Variants in FHIT observed in about 807,000 individuals in gnomAD.
The protein encoded by FHIT is fragile histidine triad diadenosine triphosphatase.
Under a neutral mutation model 17.9 loss-of-function variants are expected in FHIT, and 19 were observed. That is an observed-to-expected ratio of 1.06 (90% CI 0.74 to 1.56). The LOEUF (loss-of-function observed/expected upper bound fraction) is 1.56. Among genes scored for constraint, FHIT ranks in the 40% most tolerant of loss-of-function variants. The pLI is 0.00. For missense variants in FHIT, 248 were observed against 189.2 expected, an observed-to-expected ratio of 1.31 and a Z score of -1.82; for synonymous variants, 81 against 69.7, an observed-to-expected ratio of 1.16 and a Z score of -0.81.
intron 2 of FHIT, among the ~76,000 whole-genome samples, chr3:61,111,230 C>T (rs1487306064): frequency 6.6e-6 from 1 of 152,140 alleles, no homozygotes; most frequent in East Asian, 1.9e-4. Flanking sequence ...ATGGCTACAC[C>T]AGGCTCTCTC....
chr3:60,754,908 C>T (rs181255689), intron 4 of FHIT, among the ~76,000 whole-genome samples: 173 of 152,272 alleles, frequency 1.1e-3, no homozygotes, highest in Admixed American at 2.9e-3. Context: ...TCCTTCCTCT[C>T]AAGAAAGTAT....
chr3:60,279,889 A>G (rs1707347086), intron 5 of FHIT, among the ~76,000 whole-genome samples: 1 of 151,876 alleles, frequency 6.6e-6, no homozygotes, highest in Non-Finnish European at 1.5e-5. Flanking sequence ...AAAATTAGCC[A>G]GGTATGGTGG....
intron 4 of FHIT, among the ~76,000 whole-genome samples, chr3:60,637,400 T>C (rs933183490): frequency 2.0e-5 from 3 of 152,194 alleles, no homozygotes; most frequent in Non-Finnish European, 4.4e-5. Context: ...CCATCTCTAG[T>C]ACTCAATATG....
chr3:60,342,285 A>G (rs568528963), intron 5 of FHIT, among the ~76,000 whole-genome samples: 12 of 152,360 alleles, frequency 7.9e-5, no homozygotes, highest in African/African-American at 2.9e-4. Flanking sequence ...TTTGCATAGC[A>G]TATCAGGCAG....
chr3:60,122,773 C>G (rs1418350974), intron 5 of FHIT, among the ~76,000 whole-genome samples: 2 of 152,150 alleles, frequency 1.3e-5, no homozygotes, highest in African/African-American at 4.8e-5. Context: ...TTTACACCAA[C>G]AGGAAACCAT....
chr3:60,572,426 C>T (rs1008765116), intron 4 of FHIT, among the ~76,000 whole-genome samples: 1 of 152,016 alleles, frequency 6.6e-6, no homozygotes, highest in Non-Finnish European at 1.5e-5. Flanking sequence ...CACATCCTAG[C>T]CCCTAGGCAT....
At chr3:60,867,048 A>G (rs1360330230) in intron 3 of FHIT, among the ~76,000 whole-genome samples, 1 of 152,202 alleles carries the variant, frequency 6.6e-6, no homozygotes, top group African/African-American at 2.4e-5. Context: ...CCTCAGCAAC[A>G]TGAGCCTACA....
chr3:60,977,732 G>A (rs1040406981), intron 3 of FHIT, among the ~76,000 whole-genome samples: 1 of 152,090 alleles, frequency 6.6e-6, no homozygotes. Context: ...TTAGCCAGGT[G>A]TGGTGGCGCA....
intron 5 of FHIT, among the ~76,000 whole-genome samples, chr3:60,490,990 G>C (rs2034039679): frequency 6.6e-6 from 1 of 152,118 alleles, no homozygotes; most frequent in Non-Finnish European, 1.5e-5. Context: ...CAAAATAAAA[G>C]TATGATATGC....
intron 3 of FHIT, among the ~76,000 whole-genome samples, chr3:60,921,321 G>A (rs1344343941): frequency 6.6e-6 from 1 of 152,176 alleles, no homozygotes; most frequent in Non-Finnish European, 1.5e-5. Context: ...GGTGGTGTAT[G>A]AGAAATCACT....
At chr3:61,232,405 C>A (rs950277887) in intron 1 of FHIT, among the ~76,000 whole-genome samples, 2 of 151,986 alleles carry the variant, frequency 1.3e-5, no homozygotes, top group Non-Finnish European at 2.9e-5. Context: ...AAAGAAAAAA[C>A]GTATTCCATA....
intron 1 of FHIT, among the ~76,000 whole-genome samples, chr3:61,209,574 A>G (rs867302124): frequency 4.0e-5 from 6 of 151,320 alleles, no homozygotes; most frequent in African/African-American, 1.5e-4. Context: ...GTCTTCCATC[A>G]TTGATACCCT....
intron 5 of FHIT, among the ~76,000 whole-genome samples, chr3:60,362,243 T>TCATAC (rs1699935758): frequency 6.6e-6 from 1 of 152,206 alleles, no homozygotes; most frequent in African/African-American, 2.4e-5. Context: ...AAAAAATCCC[T>TCATAC]AATACAATAC....
intron 4 of FHIT, among the ~76,000 whole-genome samples, chr3:60,640,544 C>T (rs1199274003): frequency 6.6e-6 from 1 of 152,102 alleles, no homozygotes; most frequent in South Asian, 2.1e-4. Flanking sequence ...ATTTATTGAG[C>T]TAAACACTTA....
chr3:60,970,524 T>C (rs1709961914), intron 3 of FHIT, among the ~76,000 whole-genome samples: 2 of 152,136 alleles, frequency 1.3e-5, no homozygotes, highest in Non-Finnish European at 2.9e-5. Flanking sequence ...TCTCACAGTT[T>C]TCTGTTCCTA....
Position 59,853,544 on chromosome 3 carries a change from A to C in FHIT, c.348+68802T>G, listed in dbSNP as rs576469535. ...TATCCACTAAATACTTCAAAATATG[A>C]AACTGGAAGCTTATCTAAATGAACT... On this transcript the variant is annotated intron_variant, in intron 8 of 9. Coordinates refer to ENST00000492590, the MANE Select transcript of FHIT (RefSeq NM_002012.4). Among the ~76,000 whole-genome samples, 6 of 152,372 alleles carry C rather than the reference A, an allele frequency of 3.9e-5. No individual in the cohort carries two copies. In the East Asian group the frequency reaches 9.6e-4, roughly 24 times the overall value.
intron 2 of FHIT, among the ~76,000 whole-genome samples, chr3:61,195,466 G>A (rs1187083683): frequency 1.3e-5 from 2 of 152,154 alleles, no homozygotes; most frequent in African/African-American, 2.4e-5. Flanking sequence ...TGATAATGAT[G>A]TTGATGATCA....
At chr3:59,937,405 T>G (rs1706294946) in intron 7 of FHIT, among the ~76,000 whole-genome samples, 3 of 152,220 alleles carry the variant, frequency 2.0e-5, no homozygotes, top group Admixed American at 2.0e-4. Context: ...AAGTGATGGC[T>G]GTCACTTCAT....
intron 5 of FHIT, among the ~76,000 whole-genome samples, chr3:60,096,268 G>C (rs1177752356): frequency 1.3e-5 from 2 of 151,610 alleles, no homozygotes; most frequent in East Asian, 1.9e-4. Flanking sequence ...GCTTTCAGCA[G>C]AGTGGGGATG....
Sources: allele counts gnomAD v4.1 joint callset (sites outside exome capture counted in the v4.1 genomes callset), GRCh38; gene constraint gnomAD v4.1.1; transcripts MANE v1.5; gene names NCBI Gene and HGNC (gene_info 2026-07-23, HGNC 2026-07-21).